PDE1C: variants seen among roughly 807,000 people sequenced by gnomAD.
PDE1C encodes the protein phosphodiesterase 1C, also known as dual specificity calcium/calmodulin-dependent 3',5'-cyclic nucleotide phosphodiesterase 1C.
In PDE1C, 62 loss-of-function variants were observed where a neutral mutation model predicts 93.1. The observed-to-expected ratio is 0.67, with a 90% CI of 0.54 to 0.82. The LOEUF is 0.82. Ranked by LOEUF, PDE1C falls within the 40% of genes least tolerant of loss-of-function variation. The pLI is 0.00. For synonymous variants in PDE1C, 325 were observed against 310.1 expected (o/e 1.05, Z -0.50); for missense variants, 742 against 884.6 (o/e 0.84, Z 2.04).
chr7:32,026,381 C>G (rs893935039), intron 2 of PDE1C, among the ~76,000 whole-genome samples: 1 of 152,112 alleles, frequency 6.6e-6, no homozygotes, highest in Non-Finnish European at 1.5e-5. Context: ...CATTCACTGT[C>G]GATCTCAGAA....
At chr7:32,098,581 TC>T (rs1161444428) in intron 3 of PDE1C, among the ~76,000 whole-genome samples, 1 of 152,232 alleles carries the variant, frequency 6.6e-6, no homozygotes, top group East Asian at 1.9e-4. Flanking sequence ...ACACAGGACA[TC>T]TGGACTGACA....
intron 2 of PDE1C, among the ~76,000 whole-genome samples, chr7:32,021,134 T>TAGTG (rs1788613346): frequency 6.6e-6 from 1 of 152,110 alleles, no homozygotes. Flanking sequence ...CCCCTCCTGA[T>TAGTG]AGTGGTTCTA....
chr7:32,298,540 G>A, intron 1 of PDE1C: 4 of 1,333,468 alleles, frequency 3.0e-6, no homozygotes, highest in Non-Finnish European at 4.1e-6. Context: ...GCACCCTCCG[G>A]CCCCAGCCCG....
At chr7:32,272,895 A>T (rs922288152) in intron 1 of PDE1C, among the ~76,000 whole-genome samples, 4 of 152,254 alleles carry the variant, frequency 2.6e-5, no homozygotes, top group African/African-American at 9.6e-5. Flanking sequence ...GAATGTGACA[A>T]AGGAAAAGAA....
chr7:32,206,033 TGTTCTAG>T (rs1166478935), intron 2 of PDE1C, among the ~76,000 whole-genome samples: 1 of 152,172 alleles, frequency 6.6e-6, no homozygotes, highest in Non-Finnish European at 1.5e-5. Flanking sequence ...GACGCAGTAC[TGTTCTAG>T]GATCAAGGTG....
intron 16 of PDE1C, 141 bp from the exon 17 acceptor site, chr7:31,775,873 G>A: frequency 2.9e-6 from 2 of 693,828 alleles, no homozygotes; most frequent in Non-Finnish European, 2.5e-6. Context: ...GCAGGGTGGT[G>A]CATATTCTGT....
chr7:31,739,433 G>A, the PDE1C span, among the ~76,000 whole-genome samples: 3 of 152,152 alleles, frequency 2.0e-5, no homozygotes, highest in Non-Finnish European at 2.9e-5. Flanking sequence ...TGGAAGCATC[G>A]TGATCTTGAT....
At chr7:32,274,850 T>G (rs1437907821) in intron 1 of PDE1C, among the ~76,000 whole-genome samples, 1 of 152,192 alleles carries the variant, frequency 6.6e-6, no homozygotes, top group East Asian at 1.9e-4. Flanking sequence ...GTGTTTACAA[T>G]TTGCTAACGT....
intron 3 of PDE1C, among the ~76,000 whole-genome samples, chr7:32,088,248 G>C (rs2128743032): frequency 6.6e-6 from 1 of 152,070 alleles, no homozygotes; most frequent in Non-Finnish European, 1.5e-5. Context: ...AACATTTCAA[G>C]GCAAAAAGAC....
chr7:32,070,997 G>A (rs2128727729), upstream of PDE1C: 1 of 985,346 alleles, frequency 1.0e-6, no homozygotes. Flanking sequence ...CTGCTGACAA[G>A]CGAGAAAACT....
intron 1 of PDE1C, among the ~76,000 whole-genome samples, chr7:32,340,431 G>A (rs1783725655): frequency 6.6e-6 from 1 of 152,192 alleles, no homozygotes; most frequent in Non-Finnish European, 1.5e-5. Flanking sequence ...GGAGCAGAGA[G>A]ACATTCATGA....
chr7:32,090,527 G>A (rs1218912948), intron 3 of PDE1C, among the ~76,000 whole-genome samples: 1 of 152,124 alleles, frequency 6.6e-6, no homozygotes, highest in African/African-American at 2.4e-5. Context: ...CTTCCACTCT[G>A]GAATTAATCA....
At chr7:32,084,688 A>T (rs1190304772) in intron 3 of PDE1C, among the ~76,000 whole-genome samples, 1 of 145,870 alleles carries the variant, frequency 6.9e-6, no homozygotes, top group Admixed American at 6.9e-5. Context: ...AGAACTCAGG[A>T]TTAAGAAACT....
intron 2 of PDE1C, among the ~76,000 whole-genome samples, chr7:31,906,321 G>A (rs2128929051): frequency 6.6e-6 from 1 of 152,236 alleles, no homozygotes; most frequent in Middle Eastern, 3.4e-3. Context: ...GATCCAATTA[G>A]TTATTATCTC....
At chr7:32,399,155 C>T (rs1409913168) in intron 1 of PDE1C, among the ~76,000 whole-genome samples, 2 of 152,154 alleles carry the variant, frequency 1.3e-5, no homozygotes, top group Non-Finnish European at 2.9e-5. Flanking sequence ...AAGAGGTGTG[C>T]TCAGTTGGTT....
the PDE1C span, chr7:31,652,656 G>A: frequency 0.013 from 20,396 of 1,613,842 alleles, 131 homozygotes; most frequent in Middle Eastern, 0.014. Context: ...GTTTCCTCCC[G>A]ATGATGGCCA....
At chr7:31,717,609 A>T in the PDE1C span, among the ~76,000 whole-genome samples, 1 of 152,224 alleles carries the variant, frequency 6.6e-6, no homozygotes, top group Non-Finnish European at 1.5e-5. Context: ...AGGCTAGAGG[A>T]CAAGGTAGAA....
intron 3 of PDE1C, among the ~76,000 whole-genome samples, chr7:32,125,259 C>T (rs1799513068): frequency 6.6e-6 from 1 of 152,184 alleles, no homozygotes; most frequent in Non-Finnish European, 1.5e-5. Context: ...AACACTTTTA[C>T]ACTGTTGGTG....
At chr7:31,894,773 T>A (rs1054408764) in intron 2 of PDE1C, among the ~76,000 whole-genome samples, 1 of 151,548 alleles carries the variant, frequency 6.6e-6, no homozygotes, top group African/African-American at 2.4e-5. Context: ...CAGAGAAGAG[T>A]ATGTTGTGTT....
Sources: allele counts gnomAD v4.1 joint callset (sites outside exome capture counted in the v4.1 genomes callset), GRCh38; gene constraint gnomAD v4.1.1; transcripts MANE v1.5; gene names NCBI Gene and HGNC (gene_info 2026-07-23, HGNC 2026-07-21).